The following DNAJC8 variants were observed in gnomAD, a reference collection of about 807,000 sequenced individuals.
DNAJC8 encodes DnaJ heat shock protein family (Hsp40) member C8.
A neutral mutation model predicts 43.2 loss-of-function variants in DNAJC8; 24 were observed. The ratio of observed to expected loss-of-function variants is 0.56; its 90% CI spans 0.40 to 0.78. DNAJC8 has a LOEUF of 0.78. Among genes scored for constraint, DNAJC8 ranks in the 30% least tolerant of loss-of-function variants. The probability of loss-of-function intolerance (pLI) is 0.00; values close to 1 mark genes in which losing one functional copy is unlikely to be tolerated. For missense variants in DNAJC8, 207 were observed against 299.4 expected (o/e 0.69, Z 2.28); for synonymous variants, 83 against 98.0 (o/e 0.85, Z 0.90).
In DNAJC8 at chr1:28,203,744, T is replaced by C; in HGVS notation, c.639+3A>G. On this transcript the variant is annotated splice_donor_region_variant and intron_variant, in intron 8 of 8. Coordinates refer to ENST00000263697, the MANE Select transcript of DNAJC8 (RefSeq NM_014280.3). ...AGAATCCCTGGCCACCTTGGAAATT[T>C]ACCTCAAAGTTTTTCTGCCACTCTC... 3 of 1,614,174 alleles carry C rather than the reference T, an allele frequency of 1.9e-6. No homozygotes were observed. Among genetic ancestry groups the C allele is most frequent in the Non-Finnish European group, 2.5e-6 (3 of 1,180,022 alleles).
intron 6 of DNAJC8, among the ~76,000 whole-genome samples, chr1:28,205,811 C>A (rs1232385142): frequency 6.6e-6 from 1 of 152,036 alleles, no homozygotes; most frequent in Non-Finnish European, 1.5e-5. Flanking sequence ...TCACTTGAAC[C>A]CAGGAGACAG....
intron 2 of DNAJC8, among the ~76,000 whole-genome samples, chr1:28,220,591 C>T (rs1341693456): frequency 6.6e-6 from 1 of 152,128 alleles, no homozygotes; most frequent in East Asian, 1.9e-4. Flanking sequence ...TAATCCACTC[C>T]CAAGATGAGG....
intron 2 of DNAJC8, among the ~76,000 whole-genome samples, chr1:28,227,757 A>AAAGAAG (rs971197662): frequency 3.9e-5 from 6 of 151,982 alleles, no homozygotes; most frequent in African/African-American, 1.2e-4. Flanking sequence ...TAAAAAAGAA[A>AAAGAAG]AAGAAGAAGA....
Position 28,201,287 on chromosome 1 carries a change from G to A in DNAJC8, c.723C>T (p.Phe241=). The A allele has an allele frequency of 6.2e-7, 1 of 1,612,488 alleles. No homozygotes were observed. The highest frequency in any genetic ancestry group is 2.2e-5 in the East Asian group (1 of 44,884). ...KGKKEKKNRT[F]LRPPKVKMEQ... Reference sequence around the variant, plus strand: ...CCATTTTTACTTTCGGTGGTCTCAGGAAGGTCCGATTTTTCTTCTCTTTCT... The same window carrying A: ...CCATTTTTACTTTCGGTGGTCTCAGAAAGGTCCGATTTTTCTTCTCTTTCT... Residue 241 remains phenylalanine, a synonymous_variant, in exon 9 of 9, where the codon TTC becomes TTT. Transcript: ENST00000263697.
At chr1:28,203,968 T>C (rs752578311) in intron 7 of DNAJC8, 146 bp from the exon 8 acceptor site, 15 of 763,652 alleles carry the variant, frequency 2.0e-5, no homozygotes, top group African/African-American at 3.5e-5. Context: ...AAAGGGCTCA[T>C]AGCATTTTCA....
chr1:28,226,301 T>C lies in DNAJC8; in HGVS notation c.180+2621A>G, dbSNP rs1208925955. Reference sequence around the variant, plus strand: ...CAGGCAGATCACAAGGTCAGGAGTTTGAGAAAAGCCTGGCCAATATGGTGA... The same window carrying C: ...CAGGCAGATCACAAGGTCAGGAGTTCGAGAAAAGCCTGGCCAATATGGTGA... On this transcript the variant is annotated intron_variant, in intron 2 of 8. Transcript: ENST00000263697. Among the ~76,000 whole-genome samples the C allele has an allele frequency of 1.3e-5, 2 of 150,764 alleles. 1 individual carries two copies. The highest frequency in any genetic ancestry group is 3.0e-5 in the Non-Finnish European group (2 of 67,580).
intron 2 of DNAJC8, among the ~76,000 whole-genome samples, chr1:28,223,219 A>G (rs1646910885): frequency 6.6e-6 from 1 of 152,132 alleles, no homozygotes; most frequent in South Asian, 2.1e-4. Flanking sequence ...CCAGACCCCG[A>G]GTAAGAGGAG....
intron 2 of DNAJC8, among the ~76,000 whole-genome samples, chr1:28,228,323 T>C (rs933365918): frequency 2.6e-5 from 3 of 113,866 alleles, no homozygotes; most frequent in Middle Eastern, 8.5e-3. Flanking sequence ...CACTCCAGCC[T>C]GGGGGACAGA....
Position 28,201,305 on chromosome 1 carries a change from C to T in DNAJC8, c.705G>A (p.Glu235=), listed in dbSNP as rs772566038. The change falls in exon 9 of 9, where the codon GAG becomes GAA. Residue 235 remains glutamate (E), a synonymous_variant. Coordinates refer to ENST00000263697, the MANE Select transcript of DNAJC8 (RefSeq NM_014280.3). ...GTCTCAGGAAGGTCCGATTTTTCTT[C>T]TCTTTCTTCCCCTTCGTATTGGCTT... ...NFQANTKGKK[E]KKNRTFLRPP... 6.2e-7 allele frequency: 1 copy of T among 1,613,186 alleles called. No individual in the cohort carries two copies. The highest frequency in any genetic ancestry group is 1.1e-5 in the South Asian group (1 of 91,030).
Position 28,200,641 on chromosome 1 carries a change from G to C in DNAJC8, c.*607C>G, listed in dbSNP as rs540458806. ...AGGACATGGTACTGGGTGGAGGACGGCTAGCTCTTTGGAAAGTGAAAGGTT... is the reference window on the plus strand; with the variant it reads ...AGGACATGGTACTGGGTGGAGGACGCCTAGCTCTTTGGAAAGTGAAAGGTT... On this transcript the variant is annotated 3_prime_UTR_variant, in exon 9 of 9. Transcript: ENST00000263697. The C allele has an allele frequency of 2.2e-6, 1 of 455,620 alleles. No individual in the cohort carries two copies. The highest frequency in any genetic ancestry group is 2.0e-5 in the African/African-American group (1 of 50,176). The allele number at this position is 455,620 out of a possible 1,614,324, so 28.2% of individuals were successfully genotyped here. A position where few individuals can be genotyped will look rare whatever the true frequency, so the allele number is the denominator to read the frequency against.
intron 2 of DNAJC8, among the ~76,000 whole-genome samples, chr1:28,226,652 C>T (rs1014625844): frequency 7.9e-5 from 12 of 151,214 alleles, no homozygotes; most frequent in African/African-American, 2.9e-4. Flanking sequence ...ATTACTTACA[C>T]ATCTATTGTG....
At chr1:28,202,083 TC>T (rs1326057597) in intron 8 of DNAJC8, among the ~76,000 whole-genome samples, 2 of 151,406 alleles carry the variant, frequency 1.3e-5, no homozygotes, top group African/African-American at 4.9e-5. Flanking sequence ...AGGGCAAAAC[TC>T]CGTCTCAAAA....
chr1:28,209,431 G>A (rs1182137483), intron 5 of DNAJC8, among the ~76,000 whole-genome samples: 2 of 152,092 alleles, frequency 1.3e-5, no homozygotes, highest in Non-Finnish European at 2.9e-5. Flanking sequence ...CCACCACATT[G>A]GAGACTTATG....
At chr1:28,210,415 A>G in intron 4 of DNAJC8, 156 bp downstream of exon 4, 1 of 647,482 alleles carries the variant, frequency 1.5e-6, no homozygotes, top group South Asian at 2.1e-5. Flanking sequence ...AAACAACAAC[A>G]TTCTGCTTTG....
intron 2 of DNAJC8, among the ~76,000 whole-genome samples, chr1:28,218,568 A>G (rs1646876831): frequency 6.6e-6 from 1 of 151,918 alleles, no homozygotes; most frequent in South Asian, 2.1e-4. Context: ...AAGTGCGTGG[A>G]GCACACAACC....
At chr1:28,212,199 A>ATG (rs1646818004) in intron 3 of DNAJC8, among the ~76,000 whole-genome samples, 1 of 118,004 alleles carries the variant, frequency 8.5e-6, no homozygotes, top group Non-Finnish European at 1.7e-5. Context: ...ATATATATAT[A>ATG]TATATATATA....
chr1:28,231,921 C>G (rs1048659506), intron 1 of DNAJC8, among the ~76,000 whole-genome samples: 3 of 151,942 alleles, frequency 2.0e-5, no homozygotes, highest in Non-Finnish European at 4.4e-5. Flanking sequence ...GCGCCCACTA[C>G]CAGGCCCAGC....
chr1:28,208,633 A>C, intron 5 of DNAJC8: 3 of 328,752 alleles, frequency 9.1e-6, no homozygotes, highest in Non-Finnish European at 1.1e-5. Context: ...CTAAAATCCA[A>C]TCTACCAGGA....
intron 6 of DNAJC8, among the ~76,000 whole-genome samples, chr1:28,207,884 C>T (rs1236743976): frequency 6.6e-6 from 1 of 151,920 alleles, no homozygotes; most frequent in African/African-American, 2.4e-5. Flanking sequence ...GATGAAACCC[C>T]GTCTCTACTA....
Sources: gnomAD v4.1 joint callset for allele counts (sites outside exome capture counted in the v4.1 genomes callset) on GRCh38, gnomAD v4.1.1 for gene constraint, MANE v1.5 for transcripts, NCBI Gene and HGNC (gene_info 2026-07-23, HGNC 2026-07-21) for gene names.